FHIT: variants seen among roughly 807,000 people sequenced by gnomAD.
FHIT encodes bis(5'-adenosyl)-triphosphatase.
Under a neutral mutation model 17.9 loss-of-function variants are expected in FHIT, and 19 were observed. That is an observed-to-expected ratio of 1.06 (90% CI 0.74 to 1.56). FHIT has a LOEUF of 1.56. Among genes scored for constraint, FHIT ranks in the 40% most tolerant of loss-of-function variants. The probability of loss-of-function intolerance (pLI) is 0.00; values close to 1 mark genes in which losing one functional copy is unlikely to be tolerated. For synonymous variants in FHIT, 81 were observed against 69.7 expected (o/e 1.16, Z -0.81); for missense variants, 248 against 189.2 (o/e 1.31, Z -1.82).
chr3:60,797,264 T>C (rs1326885002), intron 4 of FHIT, among the ~76,000 whole-genome samples: 1 of 152,088 alleles, frequency 6.6e-6, no homozygotes, highest in Non-Finnish European at 1.5e-5. Flanking sequence ...CCCACTTTCA[T>C]TGAAGAAATG....
intron 3 of FHIT, among the ~76,000 whole-genome samples, chr3:60,932,489 G>A (rs1553772063): frequency 6.6e-6 from 1 of 152,132 alleles, no homozygotes; most frequent in Non-Finnish European, 1.5e-5. Flanking sequence ...AGAATTGGAG[G>A]AAAGAGTCTG....
chr3:60,285,976 G>C (rs972915221), intron 5 of FHIT, among the ~76,000 whole-genome samples: 1 of 152,124 alleles, frequency 6.6e-6, no homozygotes, highest in Non-Finnish European at 1.5e-5. Context: ...TTCTCTCACA[G>C]CATGGCTGTT....
chr3:60,782,375 T>C (rs1028871085), intron 4 of FHIT, among the ~76,000 whole-genome samples: 19 of 152,144 alleles, frequency 1.2e-4, no homozygotes, highest in Admixed American at 3.9e-4. Context: ...GATGGGAATG[T>C]AAATTTGTAC....
chr3:60,291,734 G>C (rs954532269), intron 5 of FHIT, among the ~76,000 whole-genome samples: 4 of 152,078 alleles, frequency 2.6e-5, no homozygotes, highest in Non-Finnish European at 5.9e-5. Flanking sequence ...TATTTAGAGT[G>C]AGCCTTAAAT....
At chr3:60,168,284 C>T (rs1031840968) in intron 5 of FHIT, among the ~76,000 whole-genome samples, 8 of 152,090 alleles carry the variant, frequency 5.3e-5, no homozygotes, top group East Asian at 1.9e-4. Context: ...ATTGTTAGGC[C>T]GATGTAATTA....
chr3:60,020,827 G>C (rs1007638311), intron 5 of FHIT, among the ~76,000 whole-genome samples: 4 of 152,156 alleles, frequency 2.6e-5, no homozygotes, highest in Admixed American at 1.3e-4. Flanking sequence ...ACAGAGCTTT[G>C]AGTCAAAGTA....
At chr3:60,568,252 A>AT (rs1479049854) in intron 4 of FHIT, among the ~76,000 whole-genome samples, 10 of 152,332 alleles carry the variant, frequency 6.6e-5, no homozygotes, top group Admixed American at 3.9e-4. Flanking sequence ...TGTGGCACAC[A>AT]TACACCATGG....
At chr3:61,039,869 A>C (rs548501801) in intron 3 of FHIT, among the ~76,000 whole-genome samples, 8 of 152,306 alleles carry the variant, frequency 5.3e-5, no homozygotes, top group Non-Finnish European at 1.2e-4. Context: ...CAAACAAAAA[A>C]ACTTGTAAGG....
chr3:60,172,304 T>G (rs2107407187), intron 5 of FHIT, among the ~76,000 whole-genome samples: 1 of 152,216 alleles, frequency 6.6e-6, no homozygotes, highest in East Asian at 1.9e-4. Flanking sequence ...TCATTCTTGT[T>G]GCCCAGGCTG....
At chr3:59,935,423 A>T (rs976350586) in intron 7 of FHIT, among the ~76,000 whole-genome samples, 3 of 151,760 alleles carry the variant, frequency 2.0e-5, no homozygotes, top group Non-Finnish European at 2.9e-5. Flanking sequence ...TCCTTTGTGT[A>T]CTCTTCAGAC....
chr3:61,030,225 C>A (rs1019671951), intron 3 of FHIT, among the ~76,000 whole-genome samples: 5 of 152,222 alleles, frequency 3.3e-5, no homozygotes, highest in African/African-American at 1.2e-4. Flanking sequence ...CCACCTCAGC[C>A]TCCCAAATTG....
chr3:60,963,140 G>T (rs545757489), intron 3 of FHIT, among the ~76,000 whole-genome samples: 6 of 152,020 alleles, frequency 3.9e-5, no homozygotes, highest in East Asian at 1.9e-4. Flanking sequence ...ATTCAACTTC[G>T]TCCTGGTTTA....
chr3:60,288,211 G>A (rs1042244428), intron 5 of FHIT, among the ~76,000 whole-genome samples: 1 of 152,126 alleles, frequency 6.6e-6, no homozygotes, highest in Admixed American at 6.6e-5. Flanking sequence ...TCACAAAATG[G>A]TGACTAGCTT....
intron 2 of FHIT, among the ~76,000 whole-genome samples, chr3:61,067,014 G>T (rs573287702): frequency 6.6e-6 from 1 of 152,184 alleles, no homozygotes; most frequent in African/African-American, 2.4e-5. Context: ...ATGCTTGTGC[G>T]TGGGCTGGGA....
At chr3:59,907,742 A>G (rs1183095534) in intron 8 of FHIT, among the ~76,000 whole-genome samples, 3 of 152,222 alleles carry the variant, frequency 2.0e-5, no homozygotes, top group Non-Finnish European at 4.4e-5. Flanking sequence ...TCAGTGGCTT[A>G]AAACAACACA....
At chr3:60,341,259 C>A (rs1299944181) in intron 5 of FHIT, among the ~76,000 whole-genome samples, 1 of 152,068 alleles carries the variant, frequency 6.6e-6, no homozygotes, top group Middle Eastern at 3.2e-3. Flanking sequence ...TATATTAAGC[C>A]TCATCGTTGC....
At chr3:60,035,737 C>T (rs1369253696) in intron 5 of FHIT, among the ~76,000 whole-genome samples, 27 of 152,182 alleles carry the variant, frequency 1.8e-4, no homozygotes, top group Non-Finnish European at 1.5e-4. Flanking sequence ...TTGTTTCTCA[C>T]TATTCTCGCC....
At chr3:60,011,078 C>A (rs1464833844) in intron 7 of FHIT, among the ~76,000 whole-genome samples, 1 of 152,200 alleles carries the variant, frequency 6.6e-6, no homozygotes, top group Non-Finnish European at 1.5e-5. Context: ...CCTAGACACT[C>A]TCTCACATGA....
intron 3 of FHIT, among the ~76,000 whole-genome samples, chr3:60,986,752 T>C (rs1164837634): frequency 6.6e-6 from 1 of 152,138 alleles, no homozygotes; most frequent in East Asian, 1.9e-4. Flanking sequence ...AGCCAGAAAT[T>C]TCACCAGCAT....
Sources: allele counts gnomAD v4.1 joint callset (sites outside exome capture counted in the v4.1 genomes callset), GRCh38; gene constraint gnomAD v4.1.1; transcripts MANE v1.5; gene names NCBI Gene and HGNC (gene_info 2026-07-23, HGNC 2026-07-21).